The following IGF2R variants were observed in gnomAD, a reference collection of about 807,000 sequenced individuals.
The protein encoded by IGF2R is insulin like growth factor 2 receptor.
IGF2R carries 91 observed loss-of-function variants against 270.6 expected under a neutral mutation model. The observed-to-expected ratio is 0.34, with a 90% confidence interval of 0.28 to 0.40. The LOEUF is 0.40. IGF2R is among the 10% of genes least tolerant of loss of function. The probability of loss-of-function intolerance (pLI) is 1.00; values close to 1 mark genes in which losing one functional copy is unlikely to be tolerated. For missense variants in IGF2R, 2,805 were observed against 3,188.3 expected (o/e 0.88, Z 2.90); for synonymous variants, 1,316 against 1,258.9 (o/e 1.05, Z -0.96).
chr6:159,980,290 CT>C (rs1437341360), intron 1 of IGF2R, among the ~76,000 whole-genome samples: 1 of 152,006 alleles, frequency 6.6e-6, no homozygotes, highest in East Asian at 1.9e-4. Flanking sequence ...TATGAGATCC[CT>C]AGGTGAGGGT....
chr6:159,972,296 A>G (rs1412686489), intron 1 of IGF2R, among the ~76,000 whole-genome samples: 1 of 152,220 alleles, frequency 6.6e-6, no homozygotes, highest in African/African-American at 2.4e-5. Context: ...CTGCTTGGTC[A>G]CATGGAGGCA....
intron 35 of IGF2R, among the ~76,000 whole-genome samples, chr6:160,075,142 ACATT>A (rs78209816): frequency 0.12 from 18,290 of 152,160 alleles, 1,229 homozygotes; most frequent in Admixed American, 0.21. Flanking sequence ...ATGCACACAC[ACATT>A]CATCACATAC....
rs1369279230 is a variant in IGF2R, at chr6:159,969,228, G to T, written c.-19G>T. The T allele has an allele frequency of 2.0e-6, 2 of 989,612 alleles. No homozygotes were observed. The highest frequency in any genetic ancestry group is 2.4e-6 in the Non-Finnish European group (2 of 833,746). The allele number at this position is 989,612 out of a possible 1,614,324, so 61.3% of individuals were successfully genotyped here. On this transcript the variant is annotated 5_prime_UTR_variant, in exon 1 of 48. Transcript: ENST00000356956. ...GCGCCGTTAGCCTCGCGCCCGCCGC[G>T]CAGTCCGGGCCCGGCGCGATGGGGG...
Position 160,058,936 on chromosome 6 carries a change from G to C in IGF2R, c.2929G>C (p.Gly977Arg), listed in dbSNP as rs140478501. 1 of 1,614,058 alleles carries C rather than the reference G, an allele frequency of 6.2e-7. No homozygotes were observed. Among genetic ancestry groups the C allele is most frequent in the African/African-American group, 1.3e-5 (1 of 74,916 alleles). Residue 977 changes from glycine to arginine, a missense_variant, in exon 22 of 48, where the codon GGG becomes CGG. By Grantham distance (125) the Gly-to-Arg change is moderately radical (BLOSUM62 -2). Transcript: ENST00000356956. ...FNVCGTMPVCGTILGKPASGC... is the reference protein window; with the variant it reads ...FNVCGTMPVCRTILGKPASGC... ...TGTCTGCGGCACAATGCCTGTCTGT[G>C]GGACCATCCTGGGAAAACCTGCTTC... is the stretch of plus-strand genomic sequence containing the variant.
At chr6:160,080,522 A>G (rs541690583) in intron 39 of IGF2R, among the ~76,000 whole-genome samples, 3 of 152,278 alleles carry the variant, frequency 2.0e-5, no homozygotes, top group Admixed American at 2.0e-4. Flanking sequence ...GGCTAGGCCC[A>G]CTCACTAGCT....
In IGF2R at chr6:160,101,761, G is replaced by A. The variant is rs182379115; in HGVS notation, c.6843-758G>A. Reference sequence around the variant, plus strand: ...TTGAGTGTCATCTTGCTCCCTAAGCGCAAAGGGAAGTCTCCGTGGTTGTTT... The same window carrying A: ...TTGAGTGTCATCTTGCTCCCTAAGCACAAAGGGAAGTCTCCGTGGTTGTTT... On this transcript the variant is annotated intron_variant, in intron 45 of 47. Transcript: ENST00000356956. Among the ~76,000 whole-genome samples, 4 of 152,360 alleles carry A rather than the reference G, an allele frequency of 2.6e-5. No individual in the cohort carries two copies. In the South Asian group the frequency reaches 6.2e-4, roughly 24 times the overall value.
At chr6:160,037,540 G>A (rs984298110) in intron 10 of IGF2R, among the ~76,000 whole-genome samples, 10 of 152,234 alleles carry the variant, frequency 6.6e-5, no homozygotes, top group African/African-American at 2.2e-4. Context: ...AATTATTCAT[G>A]TGAATCTAGG....
At chr6:160,073,649 T>C (rs1778793498) in intron 34 of IGF2R, 108 bp from the exon 35 acceptor site, 1 of 1,136,718 alleles carries the variant, frequency 8.8e-7, no homozygotes, top group Admixed American at 2.4e-5. Flanking sequence ...TTTGACACCT[T>C]TCTACTTTTT....
intron 1 of IGF2R, among the ~76,000 whole-genome samples, chr6:159,970,393 A>C (rs1783592226): frequency 6.6e-6 from 1 of 152,184 alleles, no homozygotes; most frequent in Non-Finnish European, 1.5e-5. Flanking sequence ...TTTCAGAGTG[A>C]AACAAAGTTG....
In IGF2R at chr6:160,083,941, A is replaced by G; in HGVS notation, c.5834-9A>G. 1 of 1,594,122 alleles carries G rather than the reference A, an allele frequency of 6.3e-7. No homozygotes were observed. ...TCTGATCTCTCTCTCTTTTCCCTACACTCCCCAGCAAACAGCTACCGGACA... is the reference window on the plus strand; with the variant it reads ...TCTGATCTCTCTCTCTTTTCCCTACGCTCCCCAGCAAACAGCTACCGGACA... On this transcript the variant is annotated splice_polypyrimidine_tract_variant and intron_variant, in intron 39 of 47. Coordinates refer to ENST00000356956, the MANE Select transcript of IGF2R (RefSeq NM_000876.4).
At chr6:160,014,529 A>G (rs7760806) in intron 4 of IGF2R, among the ~76,000 whole-genome samples, 129 of 152,256 alleles carry the variant, frequency 8.5e-4, no homozygotes, top group African/African-American at 3.0e-3. Flanking sequence ...GTGCTTGCAG[A>G]TCTTGCCTAT....
intron 14 of IGF2R, 71 bp downstream of exon 14, chr6:160,045,953 G>A (rs776059772): frequency 2.2e-6 from 3 of 1,357,652 alleles, no homozygotes; most frequent in Non-Finnish European, 2.9e-6. Context: ...TTAACATTCT[G>A]TGTGAGGTTT....
intron 27 of IGF2R, 52 bp downstream of exon 27, chr6:160,063,682 T>C: frequency 1.4e-6 from 2 of 1,382,398 alleles, no homozygotes; most frequent in South Asian, 1.3e-5. Flanking sequence ...AATTAAAATA[T>C]TAAAATATTT....
In IGF2R at chr6:160,068,211, G is replaced by A. The variant is rs767394708; in HGVS notation, c.4116-38G>A. On this transcript the variant is annotated intron_variant, in intron 29 of 47. Transcript: ENST00000356956. The stretch of plus-strand genomic sequence containing the variant: ...AGTGCCCAATGTTTAAAGAGAATAC[G>A]ACCAAGCCTAACTAACTGCGGGTTT... 2.5e-6 allele frequency: 4 copies of A among 1,611,482 alleles called. No homozygotes were observed. In the South Asian group the frequency reaches 3.3e-5, roughly 13 times the overall value.
chr6:160,102,559 A>G lies in IGF2R; in HGVS notation c.6883A>G (p.Met2295Val). 4 of 1,613,320 alleles carry G rather than the reference A, an allele frequency of 2.5e-6. No individual in the cohort carries two copies. The highest frequency in any genetic ancestry group is 1.1e-5 in the South Asian group (1 of 91,048). The change falls in exon 46 of 48, where the codon ATG becomes GTG. Residue 2295 changes from methionine to valine, a missense_variant. This residue lies in a region of IGF2R where 1,851 missense variants were observed against 2,207.2 expected (regional missense o/e 0.84). Coordinates refer to ENST00000356956, the MANE Select transcript of IGF2R (RefSeq NM_000876.4). This position sits in a 1 kb window ranked among gnomAD's most constrained non-coding sequence, Gnocchi z 4.5. ...CGAGAATCCCGGGGACGACGGGCAG[A>G]TGCACAAGGGGCTGTCAGAACGGAG... ...DSENPGDDGQ[M>V]HKGLSERSQA...
intron 4 of IGF2R, among the ~76,000 whole-genome samples, chr6:160,022,822 C>G (rs553694409): frequency 1.6e-4 from 24 of 152,268 alleles, no homozygotes; most frequent in African/African-American, 5.3e-4. Flanking sequence ...AGAGGCCTTA[C>G]TAAGGGCGAT....
chr6:160,047,766 C>A, intron 16 of IGF2R, 26 bp from the exon 17 acceptor site: 1 of 1,373,174 alleles, frequency 7.3e-7, no homozygotes, highest in Non-Finnish European at 1.0e-6. Context: ...TTTTTGCCAT[C>A]CCTCCGCGCA....
chr6:160,074,518 C>T (rs1245149173), intron 35 of IGF2R, among the ~76,000 whole-genome samples: 1 of 152,228 alleles, frequency 6.6e-6, no homozygotes, highest in African/African-American at 2.4e-5. Context: ...GGCTCCTGGC[C>T]TTAAGTGATC....
At chr6:159,987,120 T>G (rs1324213548) in intron 1 of IGF2R, among the ~76,000 whole-genome samples, 1 of 152,244 alleles carries the variant, frequency 6.6e-6, no homozygotes, top group Non-Finnish European at 1.5e-5. Context: ...TCTAGGGGCT[T>G]GGCCTTTAAT....
Sources: allele counts gnomAD v4.1 joint callset (sites outside exome capture counted in the v4.1 genomes callset), GRCh38; gene constraint gnomAD v4.1.1; regional missense constraint gnomAD v4.1.1; non-coding constraint Gnocchi (gnomAD v3.1); transcripts MANE v1.5; gene names NCBI Gene and HGNC (gene_info 2026-07-23, HGNC 2026-07-21).